EPC1: variants seen among roughly 807,000 people sequenced by gnomAD.
EPC1 encodes the protein enhancer of polycomb 1, also known as enhancer of polycomb homolog 1.
EPC1 carries 12 observed loss-of-function variants against 98.4 expected under a neutral mutation model. That is an observed-to-expected ratio of 0.12 (90% CI 0.08 to 0.20). EPC1 has a LOEUF of 0.20. Ranked by LOEUF, EPC1 falls within the 10% of genes least tolerant of loss-of-function variation. The pLI is 1.00. For synonymous variants in EPC1, 357 were observed against 363.9 expected (o/e 0.98, Z 0.21); for missense variants, 729 against 990.5 (o/e 0.74, Z 3.54).
At chr10:32,362,352 G>A (rs577695701) in intron 1 of EPC1, among the ~76,000 whole-genome samples, 1 of 152,100 alleles carries the variant, frequency 6.6e-6, no homozygotes, top group East Asian at 1.9e-4. Context: ...GGATCAGGGG[G>A]TGGATTTCTC....
At chr10:32,373,190 A>G (rs532943822) in intron 1 of EPC1, among the ~76,000 whole-genome samples, 2 of 152,114 alleles carry the variant, frequency 1.3e-5, no homozygotes, top group African/African-American at 4.8e-5. Flanking sequence ...TGGGGTATAA[A>G]CCTCTCTATG....
intron 9 of EPC1, chr10:32,285,433 T>C (rs1185560577): frequency 5.3e-6 from 1 of 190,064 alleles, no homozygotes; most frequent in Admixed American, 5.5e-5. Flanking sequence ...GACAAAATAT[T>C]TGAGATCCAC....
At chr10:32,368,283 CTG>C (rs1265451153) in intron 1 of EPC1, among the ~76,000 whole-genome samples, 1 of 152,218 alleles carries the variant, frequency 6.6e-6, no homozygotes, top group Non-Finnish European at 1.5e-5. Flanking sequence ...CAAACCCTCC[CTG>C]TGTTAGTCCA....
chr10:32,337,792 T>G (rs1838066480), intron 1 of EPC1, among the ~76,000 whole-genome samples: 1 of 152,202 alleles, frequency 6.6e-6, no homozygotes, highest in Admixed American at 6.5e-5. Flanking sequence ...TTTTTCATCT[T>G]CTATTATTTC....
intron 1 of EPC1, among the ~76,000 whole-genome samples, chr10:32,307,689 T>C (rs952410247): frequency 6.6e-6 from 1 of 152,182 alleles, no homozygotes; most frequent in Non-Finnish European, 1.5e-5. Flanking sequence ...TGGTAGTCTA[T>C]TGCCATATTT....
intron 1 of EPC1, among the ~76,000 whole-genome samples, chr10:32,326,682 T>G (rs541472937): frequency 6.6e-6 from 1 of 152,290 alleles, no homozygotes; most frequent in African/African-American, 2.4e-5. Context: ...GTACAAAATA[T>G]TTGGTAAAAG....
intron 1 of EPC1, chr10:32,345,707 ATGTC>A (rs1177781438): frequency 1.2e-6 from 1 of 838,266 alleles, no homozygotes; most frequent in African/African-American, 1.8e-5. Context: ...CGATGGTAAA[ATGTC>A]TATTAGTTGT....
At position 32,268,489 on chromosome 10, in the gene EPC1, T is replaced by G. The variant is rs1200326148; in HGVS notation, c.*574A>C. The G allele has an allele frequency of 1.3e-5, 2 of 151,258 alleles. No individual in the cohort carries two copies. The highest frequency in any genetic ancestry group is 2.9e-5 in the Non-Finnish European group (2 of 67,896). 9.4% of individuals were successfully genotyped at this position (151,258 alleles called of 1,614,324 possible). On this transcript the variant is annotated 3_prime_UTR_variant, in exon 14 of 14. Transcript: ENST00000319778. ...AAATTCTGTATGTATGTCACCATTT[T>G]TTTTCACATGATACACAGAAAACTC...
At chr10:32,271,964 G>C (rs768072007) in intron 12 of EPC1, 47 bp from the exon 13 acceptor site, 12 of 1,599,358 alleles carry the variant, frequency 7.5e-6, no homozygotes, top group Non-Finnish European at 1.0e-5. Context: ...CAACTTTGCT[G>C]TTTATATTAT....
intron 13 of EPC1, among the ~76,000 whole-genome samples, chr10:32,269,652 T>G (rs2986933): frequency 2.7e-4 from 41 of 152,276 alleles, no homozygotes; most frequent in African/African-American, 8.4e-4. Flanking sequence ...CAAAAGGACA[T>G]GTGATATGAA....
chr10:32,376,550 C>T (rs899117539), intron 1 of EPC1, among the ~76,000 whole-genome samples: 5 of 151,922 alleles, frequency 3.3e-5, no homozygotes, highest in Non-Finnish European at 5.9e-5. Flanking sequence ...TTACAGTGAA[C>T]ATTTTCACAT....
intron 1 of EPC1, among the ~76,000 whole-genome samples, chr10:32,315,052 G>A (rs1836473936): frequency 6.6e-6 from 1 of 152,220 alleles, no homozygotes; most frequent in African/African-American, 2.4e-5. Flanking sequence ...CAAAATGTGA[G>A]CTCTTTAAGA....
intron 2 of EPC1, among the ~76,000 whole-genome samples, chr10:32,301,722 C>G (rs931969610): frequency 2.6e-5 from 4 of 151,974 alleles, no homozygotes; most frequent in African/African-American, 9.7e-5. Flanking sequence ...AACTGGATAT[C>G]AAGAGGGAAA....
Position 32,291,237 on chromosome 10 carries a change from T to C in EPC1, c.901A>G (p.Ile301Val), listed in dbSNP as rs748526235. The change falls in exon 6 of 14, where the codon ATC becomes GTC. Residue 301 changes from isoleucine (I) to valine (V), a missense_variant. Ile to Val is a conservative substitution (Grantham distance 29). Transcript: ENST00000319778. The part of the protein sequence containing the change: ...QPMKPTYAIP[I>V]IPITNSSQFK... The stretch of plus-strand genomic sequence containing the variant: ...TGACTGCTATTAGTAATAGGGATGA[T>C]GGGGATGGCATAAGTAGGTTTCATT... 4.5e-5 allele frequency: 72 copies of C among 1,613,954 alleles called. No homozygotes were observed. Among genetic ancestry groups the C allele is most frequent in the Admixed American group, 1.8e-4 (11 of 59,998 alleles).
chr10:32,293,834 G>C, intron 2 of EPC1, 97 bp from the exon 3 acceptor site: 1 of 1,129,962 alleles, frequency 8.8e-7, no homozygotes, highest in Non-Finnish European at 1.2e-6. Flanking sequence ...ACTTTCTAAA[G>C]AAATAAGAAA....
chr10:32,343,260 G>A (rs1332904942), intron 1 of EPC1, among the ~76,000 whole-genome samples: 1 of 152,140 alleles, frequency 6.6e-6, no homozygotes, highest in Non-Finnish European at 1.5e-5. Context: ...CACAGGCTGT[G>A]AGTGCAGTGG....
At chr10:32,344,763 G>C (rs545211863) in intron 1 of EPC1, among the ~76,000 whole-genome samples, 5 of 152,148 alleles carry the variant, frequency 3.3e-5, no homozygotes. Context: ...CTCCAGCCTG[G>C]GCAACAGAGT....
intron 1 of EPC1, among the ~76,000 whole-genome samples, chr10:32,375,711 G>A (rs974121152): frequency 2.0e-5 from 3 of 151,938 alleles, no homozygotes; most frequent in Non-Finnish European, 2.9e-5. Flanking sequence ...AGTAAATTTT[G>A]CTACTTGCTA....
intron 2 of EPC1, among the ~76,000 whole-genome samples, chr10:32,295,116 T>C (rs1262896304): frequency 6.6e-6 from 1 of 152,168 alleles, no homozygotes; most frequent in Non-Finnish European, 1.5e-5. Context: ...ATAATCTGCT[T>C]GTTAAGCATG....
Sources: gnomAD v4.1 joint callset for allele counts (sites outside exome capture counted in the v4.1 genomes callset) on GRCh38, gnomAD v4.1.1 for gene constraint, MANE v1.5 for transcripts, NCBI Gene and HGNC (gene_info 2026-07-23, HGNC 2026-07-21) for gene names.